Variants in NPRL3 observed in about 807,000 individuals in gnomAD.
NPRL3 encodes GATOR1 complex protein NPRL3.
In NPRL3, 23 loss-of-function variants were observed where a neutral mutation model predicts 57.2. The ratio of observed to expected loss-of-function variants is 0.40; its 90% confidence interval spans 0.29 to 0.57. The LOEUF is 0.57. NPRL3 is among the 20% of genes least tolerant of loss of function. The pLI, the probability that NPRL3 is intolerant of heterozygous loss-of-function variation, is 0.42. For synonymous variants in NPRL3, 333 were observed against 321.1 expected (o/e 1.04, Z -0.39); for missense variants, 691 against 767.1 (o/e 0.90, Z 1.17).
At chr16:89,616 G>A (rs1898669075) in intron 12 of NPRL3, 97 bp downstream of exon 12, 2 of 1,149,108 alleles carry the variant, frequency 1.7e-6, no homozygotes, top group South Asian at 1.8e-5. Context: ...CTGTGTGGAG[G>A]CCCCTCATCA....
In NPRL3 at chr16:138,234, G is replaced by C; in HGVS notation, c.34C>G (p.Leu12Val). The change falls in exon 2 of 14, where the codon CTG (leucine) becomes GTG (valine). Residue 12 changes from leucine to valine, a missense_variant. Physicochemically the swap from Leu to Val is conservative, Grantham distance 32 (BLOSUM62 1). Transcript: ENST00000611875. ...TTGCCCCTGCTCCCCGAGCTCACCA[G>C]AATCACGCTGATGGGGCTGGTGTTG... The part of the protein sequence containing the change: ...RDNTSPISVI[L>V]VSSGSRGNKL... 6.2e-7 allele frequency: 1 copy of C among 1,608,754 alleles called. No individual in the cohort carries two copies. The highest frequency in any genetic ancestry group is 8.5e-7 in the Non-Finnish European group (1 of 1,177,974).
intron 9 of NPRL3, among the ~76,000 whole-genome samples, chr16:95,880 C>A (rs1051260831): frequency 2.0e-5 from 3 of 152,182 alleles, no homozygotes; most frequent in Non-Finnish European, 2.9e-5. Flanking sequence ...ACATGAGGGA[C>A]TTTAAACTAT....
intron 2 of NPRL3, among the ~76,000 whole-genome samples, chr16:132,876 A>G (rs1900879369): frequency 6.6e-6 from 1 of 152,064 alleles, no homozygotes; most frequent in African/African-American, 2.4e-5. Context: ...TCACTGTGTT[A>G]GCCAGGATGG....
At chr16:120,664 C>G (rs934435849) in intron 3 of NPRL3, among the ~76,000 whole-genome samples, 1 of 152,146 alleles carries the variant, frequency 6.6e-6, no homozygotes, top group African/African-American at 2.4e-5. Flanking sequence ...TCAACCCAGT[C>G]AGGTTGCAGT....
chr16:138,139 C>T lies in NPRL3; in HGVS notation c.118+11G>A, dbSNP rs368365304. The stretch of plus-strand genomic sequence containing the variant: ...CCGCGAGCGCCAGGCCCCCGCCCAG[C>T]GCTCACTTACTTGTCTGGGACGCCG... On this transcript the variant is annotated intron_variant, in intron 2 of 13. Coordinates refer to ENST00000611875, the MANE Select transcript of NPRL3 (RefSeq NM_001077350.3). 1.4e-4 allele frequency: 226 copies of T among 1,583,820 alleles called. 1 individual carries two copies. The highest frequency in any genetic ancestry group is 6.6e-4 in the Middle Eastern group (4 of 6,024).
At chr16:128,539 C>T (rs1046457848) in intron 3 of NPRL3, among the ~76,000 whole-genome samples, 1 of 152,182 alleles carries the variant, frequency 6.6e-6, no homozygotes, top group African/African-American at 2.4e-5. Flanking sequence ...GAGGCCGAGG[C>T]TGGTGGATCA....
At chr16:99,975 AAAG>A (rs1899204309) in intron 8 of NPRL3, among the ~76,000 whole-genome samples, 1 of 130,440 alleles carries the variant, frequency 7.7e-6, no homozygotes, top group Non-Finnish European at 1.5e-5. Flanking sequence ...AAAAAAAAAA[AAAG>A]AAAAAGAAAA....
chr16:86,577 G>T lies in NPRL3; in HGVS notation c.*128C>A. On this transcript the variant is annotated 3_prime_UTR_variant, in exon 14 of 14. Coordinates refer to ENST00000611875, the MANE Select transcript of NPRL3 (RefSeq NM_001077350.3). The stretch of plus-strand genomic sequence containing the variant: ...TGCAGGCTTCACTGGGCCACGGCCA[G>T]CCCGCATCCACCCAATGCCAGGCCT... 1.0e-6 allele frequency: 1 copy of T among 967,700 alleles called. No individual in the cohort carries two copies. The highest frequency in any genetic ancestry group is 1.5e-6 in the Non-Finnish European group (1 of 667,788). The allele number at this position is 967,700 out of a possible 1,614,324, so 59.9% of individuals were successfully genotyped here. A position where few individuals can be genotyped will look rare whatever the true frequency, so the allele number is the denominator to read the frequency against.
intron 13 of NPRL3, among the ~76,000 whole-genome samples, chr16:88,338 G>A (rs929411912): frequency 1.4e-4 from 21 of 147,876 alleles, no homozygotes; most frequent in Non-Finnish European, 2.7e-4. Context: ...CCGAGATTGC[G>A]CCACTGCAGT....
At chr16:93,055 C>A in intron 10 of NPRL3, 164 bp downstream of exon 10, 1 of 637,172 alleles carries the variant, frequency 1.6e-6, no homozygotes, top group East Asian at 2.7e-5. Flanking sequence ...GAATTGGGAC[C>A]TGGGTATGCT....
At chr16:97,773 G>A (rs1048421674) in intron 9 of NPRL3, among the ~76,000 whole-genome samples, 3 of 152,114 alleles carry the variant, frequency 2.0e-5, no homozygotes, top group Non-Finnish European at 4.4e-5. Context: ...CTTAGTTCCC[G>A]TATGTTGTTC....
chr16:101,840 C>G (rs889386437), intron 7 of NPRL3, among the ~76,000 whole-genome samples: 2 of 152,204 alleles, frequency 1.3e-5, no homozygotes, highest in Non-Finnish European at 2.9e-5. Flanking sequence ...TTTACTCCAT[C>G]GGTCTCCACT....
intron 10 of NPRL3, 140 bp downstream of exon 10, chr16:93,079 T>A: frequency 1.5e-6 from 1 of 671,872 alleles, no homozygotes; most frequent in South Asian, 1.7e-5. Flanking sequence ...GGCCAGGAGT[T>A]AGGCTGAAGT....
At chr16:137,374 A>G (rs1257808359) in intron 2 of NPRL3, among the ~76,000 whole-genome samples, 1 of 152,198 alleles carries the variant, frequency 6.6e-6, no homozygotes, top group Non-Finnish European at 1.5e-5. Flanking sequence ...AAGGCCGACT[A>G]TGGGAAAAGG....
chr16:118,165 A>G (rs997882794), intron 4 of NPRL3, among the ~76,000 whole-genome samples: 22 of 152,130 alleles, frequency 1.4e-4, no homozygotes, highest in Non-Finnish European at 2.9e-5. Flanking sequence ...CACGAATAAC[A>G]CCACAGAACC....
intron 13 of NPRL3, 137 bp downstream of exon 13, chr16:88,561 T>C (rs1011725305): frequency 1.8e-5 from 15 of 817,584 alleles, no homozygotes; most frequent in Non-Finnish European, 2.7e-5. Context: ...CCTACACACC[T>C]GAATGCAGAG....
At chr16:128,723 G>A (rs779746161) in intron 3 of NPRL3, among the ~76,000 whole-genome samples, 9 of 152,012 alleles carry the variant, frequency 5.9e-5, no homozygotes, top group African/African-American at 1.2e-4. Context: ...AGCTGAGATC[G>A]CGCCACTGCA....
At chr16:123,295 T>C (rs1271616077) in intron 3 of NPRL3, among the ~76,000 whole-genome samples, 3 of 151,980 alleles carry the variant, frequency 2.0e-5, no homozygotes, top group African/African-American at 7.3e-5. Context: ...GCCTCTCAGG[T>C]AATGTGAAAT....
At chr16:134,117 G>A (rs187251209) in intron 2 of NPRL3, among the ~76,000 whole-genome samples, 7 of 152,200 alleles carry the variant, frequency 4.6e-5, no homozygotes, top group African/African-American at 1.4e-4. Flanking sequence ...GACACAAAGT[G>A]AGTATATACT....
Sources: allele counts gnomAD v4.1 joint callset (sites outside exome capture counted in the v4.1 genomes callset), GRCh38; gene constraint gnomAD v4.1.1; transcripts MANE v1.5; gene names NCBI Gene and HGNC (gene_info 2026-07-23, HGNC 2026-07-21).